Variants in RABGAP1L observed in about 807,000 individuals in gnomAD.
RABGAP1L encodes RAB GTPase activating protein 1 like, also known as rab GTPase-activating protein 1-like.
In RABGAP1L, 63 loss-of-function variants were observed where a neutral mutation model predicts 137.7. The observed-to-expected ratio is 0.46, with a 90% CI of 0.37 to 0.56. RABGAP1L has a LOEUF of 0.56. Among genes scored for constraint, RABGAP1L ranks in the 20% least tolerant of loss-of-function variants. The pLI is 0.00. For missense variants in RABGAP1L, 1,095 were observed against 1,244.0 expected, an observed-to-expected ratio of 0.88 and a Z score of 1.80; for synonymous variants, 431 against 433.7, an observed-to-expected ratio of 0.99 and a Z score of 0.08.
intron 13 of RABGAP1L, among the ~76,000 whole-genome samples, chr1:174,619,070 C>T (rs1052717900): frequency 4.6e-5 from 7 of 151,868 alleles, no homozygotes; most frequent in African/African-American, 7.3e-5. Context: ...TGAAATGAAG[C>T]GAGAAGAGAA....
intron 19 of RABGAP1L, among the ~76,000 whole-genome samples, chr1:174,870,941 G>T (rs908885856): frequency 7.9e-5 from 12 of 151,734 alleles, no homozygotes; most frequent in Non-Finnish European, 4.4e-5. Flanking sequence ...GGGTTTCACC[G>T]TGTTAGCCAG....
chr1:174,880,356 G>A (rs1010436179), intron 19 of RABGAP1L, among the ~76,000 whole-genome samples: 7 of 151,774 alleles, frequency 4.6e-5, no homozygotes, highest in South Asian at 2.1e-4. Flanking sequence ...ATATGGCCAC[G>A]TGCTGTGACT....
intron 19 of RABGAP1L, among the ~76,000 whole-genome samples, chr1:174,907,796 G>A (rs368512579): frequency 6.6e-6 from 1 of 152,104 alleles, no homozygotes; most frequent in Non-Finnish European, 1.5e-5. Flanking sequence ...GCAACAAGTG[G>A]CATTAGTAAA....
chr1:174,602,574 A>G (rs1229130845), intron 13 of RABGAP1L, among the ~76,000 whole-genome samples: 1 of 152,166 alleles, frequency 6.6e-6, no homozygotes, highest in African/African-American at 2.4e-5. Flanking sequence ...CCAGTAACTC[A>G]TAGATTTGCC....
intron 13 of RABGAP1L, chr1:174,548,195 G>A (rs1344724999): frequency 8.4e-6 from 12 of 1,436,656 alleles, no homozygotes; most frequent in Non-Finnish European, 1.1e-5. Flanking sequence ...ATCTCTCAGG[G>A]TGAAGGTAAT....
At chr1:174,286,958 T>G (rs1385325396) in intron 10 of RABGAP1L, among the ~76,000 whole-genome samples, 2 of 152,162 alleles carry the variant, frequency 1.3e-5, no homozygotes, top group African/African-American at 2.4e-5. Context: ...CTTAACATAT[T>G]TATTCTAAAG....
At chr1:174,901,535 C>G (rs1289869359) in intron 19 of RABGAP1L, among the ~76,000 whole-genome samples, 7 of 152,136 alleles carry the variant, frequency 4.6e-5, no homozygotes, top group Non-Finnish European at 8.8e-5. Context: ...TGAGCCCTCC[C>G]ATGACACCTG....
chr1:174,172,563 T>C (rs1665507089), intron 1 of RABGAP1L, among the ~76,000 whole-genome samples: 1 of 152,216 alleles, frequency 6.6e-6, no homozygotes, highest in Non-Finnish European at 1.5e-5. Context: ...TGATAGCTCA[T>C]TGTGGTTTCG....
At chr1:174,625,015 G>T (rs948256576) in intron 13 of RABGAP1L, among the ~76,000 whole-genome samples, 2 of 151,714 alleles carry the variant, frequency 1.3e-5, no homozygotes, top group Non-Finnish European at 2.9e-5. Flanking sequence ...GGGATTACAG[G>T]CACCTGACAC....
intron 19 of RABGAP1L, among the ~76,000 whole-genome samples, chr1:174,884,148 C>T (rs1182917637): frequency 1.3e-5 from 2 of 152,196 alleles, no homozygotes; most frequent in African/African-American, 4.8e-5. Flanking sequence ...CATGGCTATA[C>T]TATATTGGCA....
At chr1:174,612,188 G>A (rs981244661) in intron 13 of RABGAP1L, among the ~76,000 whole-genome samples, 1 of 152,156 alleles carries the variant, frequency 6.6e-6, no homozygotes, top group Non-Finnish European at 1.5e-5. Context: ...TATTGGCTGT[G>A]GGTCTGTCAT....
At chr1:174,248,217 C>T (rs558395538) in intron 5 of RABGAP1L, among the ~76,000 whole-genome samples, 137 of 152,324 alleles carry the variant, frequency 9.0e-4, no homozygotes, top group African/African-American at 3.2e-3. Flanking sequence ...ATGATTCCCT[C>T]TCATCCATCC....
At chr1:174,489,091 A>T (rs1461269779) in intron 13 of RABGAP1L, among the ~76,000 whole-genome samples, 2 of 152,048 alleles carry the variant, frequency 1.3e-5, no homozygotes, top group Non-Finnish European at 2.9e-5. Context: ...TACAAAGGAC[A>T]TGATTCCATT....
intron 4 of RABGAP1L, among the ~76,000 whole-genome samples, chr1:174,240,074 G>T (rs886712249): frequency 7.2e-5 from 11 of 152,182 alleles, no homozygotes; most frequent in Admixed American, 2.0e-4. Flanking sequence ...TATCTGTTTA[G>T]CTTCAATTTG....
chr1:174,867,975 C>CT (rs376256217), intron 19 of RABGAP1L, among the ~76,000 whole-genome samples: 33 of 147,690 alleles, frequency 2.2e-4, no homozygotes, highest in South Asian at 4.3e-4. Flanking sequence ...TGCTTAAACT[C>CT]TTTTTTTTTT....
intron 1 of RABGAP1L, among the ~76,000 whole-genome samples, chr1:174,184,851 G>C (rs1027215789): frequency 6.6e-6 from 1 of 152,178 alleles, no homozygotes; most frequent in Non-Finnish European, 1.5e-5. Flanking sequence ...CCCAGACTAA[G>C]ACTAGTCTCT....
At position 174,195,799 on chromosome 1, in the gene RABGAP1L, TTCTTTCTTTCTATCC is replaced by T. The variant is rs1437746859; in HGVS notation, c.-33-23324_-33-23310del. ...TCCTTTCTTTCTTTTCTTTCTTTCTTTCTTTCTTTCTATCCTTCTTTCTTTCTATCCTTCTTCTTC... is the reference window on the plus strand; with the variant it reads ...TCCTTTCTTTCTTTTCTTTCTTTCTTTTCTTTCTTTCTATCCTTCTTCTTC... On this transcript the variant is annotated intron_variant, in intron 1 of 25. Coordinates refer to ENST00000681986, the MANE Select transcript of RABGAP1L (RefSeq NM_001366446.1). Among the ~76,000 whole-genome samples the T allele has an allele frequency of 5.9e-5, 6 of 101,450 alleles. No individual in the cohort carries two copies. The South Asian group carries it at 1.7e-3, about 29-fold the overall frequency. 66.6% of individuals were successfully genotyped at this position (101,450 alleles called of 152,430 possible). A position where few individuals can be genotyped will look rare whatever the true frequency, so the allele number is the denominator to read the frequency against.
chr1:174,264,285 ATTC>A (rs561202660), intron 7 of RABGAP1L, among the ~76,000 whole-genome samples: 13 of 152,056 alleles, frequency 8.5e-5, no homozygotes, highest in Non-Finnish European at 1.6e-4. Flanking sequence ...AAGAAACTTA[ATTC>A]TTTTATAATA....
At chr1:174,938,625 G>A in intron 19 of RABGAP1L, 1 of 152,102 alleles carries the variant, frequency 6.6e-6, no homozygotes, top group African/African-American at 2.4e-5. Flanking sequence ...TATATAGTCA[G>A]TTTCCCCCTT....
Sources: allele counts gnomAD v4.1 joint callset (sites outside exome capture counted in the v4.1 genomes callset), GRCh38; gene constraint gnomAD v4.1.1; transcripts MANE v1.5; gene names NCBI Gene and HGNC (gene_info 2026-07-23, HGNC 2026-07-21).